The following UNC79 variants were observed in gnomAD, a reference collection of about 807,000 sequenced individuals.
UNC79 encodes protein unc-79 homolog.
UNC79 carries 37 observed loss-of-function variants against 283.1 expected under a neutral mutation model. That is an observed-to-expected ratio of 0.13 (90% CI 0.10 to 0.17). UNC79 has a LOEUF of 0.17. Ranked by LOEUF, UNC79 falls within the 10% of genes least tolerant of loss-of-function variation. UNC79 has a pLI of 1.00. For synonymous variants in UNC79, 1,107 were observed against 1,200.2 expected, an observed-to-expected ratio of 0.92 and a Z score of 1.61; for missense variants, 2,272 against 3,211.1, an observed-to-expected ratio of 0.71 and a Z score of 7.07.
downstream of UNC79, chr14:93,707,607 C>A (rs1211973991): frequency 6.6e-6 from 1 of 152,184 alleles, no homozygotes; most frequent in Non-Finnish European, 1.5e-5. Flanking sequence ...TTTGTTAATA[C>A]TTGTATACAA....
chr14:93,482,640 G>A (rs964933058), intron 4 of UNC79, among the ~76,000 whole-genome samples: 1 of 152,116 alleles, frequency 6.6e-6, no homozygotes, highest in Non-Finnish European at 1.5e-5. Flanking sequence ...TTCCTGCCAG[G>A]TGTCTCCTTT....
At chr14:93,657,334 G>A (rs1271351546) in intron 38 of UNC79, among the ~76,000 whole-genome samples, 1 of 149,870 alleles carries the variant, frequency 6.7e-6, no homozygotes, top group Admixed American at 6.8e-5. Flanking sequence ...GAGAAGGGAT[G>A]GGATGAGGTA....
chr14:93,656,610 C>T (rs1315545494), intron 38 of UNC79, among the ~76,000 whole-genome samples: 4 of 151,842 alleles, frequency 2.6e-5, no homozygotes, highest in Non-Finnish European at 5.9e-5. Context: ...GCCATGATCG[C>T]ACCACTGCAC....
At chr14:93,670,317 C>T (rs1275907886) in intron 40 of UNC79, among the ~76,000 whole-genome samples, 1 of 152,200 alleles carries the variant, frequency 6.6e-6, no homozygotes, top group Non-Finnish European at 1.5e-5. Flanking sequence ...TAAGACTGTC[C>T]TCCATCTCCC....
intron 1 of UNC79, among the ~76,000 whole-genome samples, chr14:93,346,200 A>T (rs1480433718): frequency 6.6e-6 from 1 of 152,196 alleles, no homozygotes; most frequent in East Asian, 1.9e-4. Flanking sequence ...AAAGAGGAAG[A>T]TACCAGGCTG....
chr14:93,467,871 A>C (rs953785127), intron 2 of UNC79, 80 bp downstream of exon 2: 4 of 1,402,986 alleles, frequency 2.9e-6, no homozygotes, highest in Non-Finnish European at 2.8e-6. Context: ...ATTTTTATTG[A>C]ATTGCAAGTT....
intron 1 of UNC79, among the ~76,000 whole-genome samples, chr14:93,449,329 T>A (rs567010823): frequency 6.6e-6 from 1 of 152,210 alleles, no homozygotes; most frequent in Non-Finnish European, 1.5e-5. Flanking sequence ...GGTTTTTAGA[T>A]TCGTTTCTTA....
intron 11 of UNC79, among the ~76,000 whole-genome samples, chr14:93,536,032 A>C (rs943206487): frequency 2.0e-5 from 3 of 148,044 alleles, no homozygotes; most frequent in Non-Finnish European, 4.5e-5. Context: ...GGTGTAGATG[A>C]GGCTTTTTGG....
chr14:93,355,152 C>T (rs571198079), intron 1 of UNC79, among the ~76,000 whole-genome samples: 3 of 152,154 alleles, frequency 2.0e-5, no homozygotes, highest in African/African-American at 7.2e-5. Flanking sequence ...GCCTCAGCCT[C>T]CTGAGTAGCT....
chr14:93,439,111 T>C (rs2056200513), intron 1 of UNC79, among the ~76,000 whole-genome samples: 1 of 152,132 alleles, frequency 6.6e-6, no homozygotes, highest in Admixed American at 6.5e-5. Flanking sequence ...CATCTATTCT[T>C]TTGGGTTTTC....
Position 93,537,887 on chromosome 14 carries a change from G to A in UNC79, c.1123-102G>A, listed in dbSNP as rs756714936. 7.0e-5 allele frequency: 80 copies of A among 1,143,674 alleles called. 1 individual carries two copies. In the South Asian group the frequency reaches 8.3e-4, roughly 12 times the overall value. 70.8% of individuals were successfully genotyped at this position (1,143,674 alleles called of 1,614,324 possible). On this transcript the variant is annotated intron_variant, in intron 11 of 48. Transcript: ENST00000555664. ...TTGGAAACTAGTGGCCCTTGAATGTGTTGTCACTTCGAGTGGCCCCTTAAG... is the reference window on the plus strand; with the variant it reads ...TTGGAAACTAGTGGCCCTTGAATGTATTGTCACTTCGAGTGGCCCCTTAAG...
chr14:93,458,106 C>A (rs147214379), intron 1 of UNC79, among the ~76,000 whole-genome samples: 152 of 152,200 alleles, frequency 1.0e-3, no homozygotes, highest in African/African-American at 3.4e-3. Context: ...TTTTTGATGA[C>A]AGCTTAGAAT....
chr14:93,539,358 T>TA (rs2061262614), intron 12 of UNC79, among the ~76,000 whole-genome samples: 1 of 150,584 alleles, frequency 6.6e-6, no homozygotes, highest in Non-Finnish European at 1.5e-5. Flanking sequence ...CCGTCTCTAT[T>TA]AAAAATACAA....
intron 38 of UNC79, among the ~76,000 whole-genome samples, chr14:93,658,238 T>A (rs1342100888): frequency 6.6e-6 from 1 of 152,214 alleles, no homozygotes; most frequent in Non-Finnish European, 1.5e-5. Flanking sequence ...TAGTTTGTTT[T>A]CATCAGTTTA....
rs976591065 is a variant in UNC79 at position 93,690,472 on chromosome 14, C to G, written c.7272+169C>G. On this transcript the variant is annotated intron_variant, in intron 45 of 48. Transcript: ENST00000555664. The surrounding 1 kb of genome is among the most constrained non-coding windows in gnomAD (Gnocchi z 4.3). ...GTCTTATTTAAAGTTGTTTAGATTCCCAGACTGTCTTTCCCCCCGCCCCCA... is the reference window on the plus strand; with the variant it reads ...GTCTTATTTAAAGTTGTTTAGATTCGCAGACTGTCTTTCCCCCCGCCCCCA... 8.5e-6 allele frequency: 6 copies of G among 707,956 alleles called. No individual in the cohort carries two copies. The African/African-American group carries it at 1.1e-4, about 13-fold the overall frequency. 43.9% of individuals were successfully genotyped at this position (707,956 alleles called of 1,614,324 possible).
intron 1 of UNC79, among the ~76,000 whole-genome samples, chr14:93,390,095 C>T (rs1447677569): frequency 6.6e-6 from 1 of 152,150 alleles, no homozygotes; most frequent in Non-Finnish European, 1.5e-5. Flanking sequence ...CATCCAGTGA[C>T]CTATGAGAAG....
Position 93,423,811 on chromosome 14 carries a change from T to G in UNC79, c.-350-43860T>G, listed in dbSNP as rs150253925. Among the ~76,000 whole-genome samples the G allele has an allele frequency of 2.7e-3, 408 of 152,294 alleles. 1 individual carries two copies. Among genetic ancestry groups the G allele is most frequent in the African/African-American group, 9.3e-3 (386 of 41,568 alleles). On this transcript the variant is annotated intron_variant, in intron 1 of 49. Transcript: ENST00000256339. ...TCTAGGACACTTAACTGGCAAAGAT[T>G]TCCTGAGTAATACTCCACAGGCACA... is the stretch of plus-strand genomic sequence containing the variant.
chr14:93,427,419 A>G (rs1045988485), upstream of UNC79, among the ~76,000 whole-genome samples: 2 of 152,214 alleles, frequency 1.3e-5, no homozygotes, highest in Non-Finnish European at 2.9e-5. Flanking sequence ...TATTAATTAT[A>G]GAAAATTAAA....
chr14:93,692,619 C>G (rs184859695), intron 46 of UNC79, among the ~76,000 whole-genome samples: 1 of 152,202 alleles, frequency 6.6e-6, no homozygotes, highest in Non-Finnish European at 1.5e-5. Flanking sequence ...AAGAGCCTCA[C>G]GTTTTCAAGC....
Sources: allele counts gnomAD v4.1 joint callset (sites outside exome capture counted in the v4.1 genomes callset), GRCh38; gene constraint gnomAD v4.1.1; non-coding constraint Gnocchi (gnomAD v3.1); transcripts MANE v1.5; gene names NCBI Gene and HGNC (gene_info 2026-07-23, HGNC 2026-07-21).